The following BMPR2 variants were observed in gnomAD, a reference collection of about 807,000 sequenced individuals.
The protein encoded by BMPR2 is bone morphogenetic protein receptor type-2.
Under a neutral mutation model 100.8 loss-of-function variants are expected in BMPR2, and 29 were observed. That is an observed-to-expected ratio of 0.29 (90% CI 0.21 to 0.39). The LOEUF is 0.39. Among genes scored for constraint, BMPR2 ranks in the 10% least tolerant of loss-of-function variants. The pLI is 1.00. For synonymous variants in BMPR2, 382 were observed against 442.3 expected, an observed-to-expected ratio of 0.86 and a Z score of 1.71; for missense variants, 1,011 against 1,274.5, an observed-to-expected ratio of 0.79 and a Z score of 3.15.
chr2:202,456,395 G>C (rs1222419824), intron 1 of BMPR2, among the ~76,000 whole-genome samples: 1 of 151,600 alleles, frequency 6.6e-6, no homozygotes, highest in Non-Finnish European at 1.5e-5. Flanking sequence ...GGTCAGGCTG[G>C]TCTTAAACTC....
Position 202,561,082 on chromosome 2 carries a change from C to T in BMPR2, c.*1136C>T, listed in dbSNP as rs1038864975. On this transcript the variant is annotated 3_prime_UTR_variant, in exon 13 of 13. Coordinates refer to ENST00000374580, the MANE Select transcript of BMPR2 (RefSeq NM_001204.7). ...GTTCTGAACCTATAGTATCTTTTAC[C>T]CTGTTCCCAAGCAAAGACTGGTGAC... The T allele has an allele frequency of 9.2e-5, 14 of 151,852 alleles. No individual in the cohort carries two copies. The highest frequency in any genetic ancestry group is 3.1e-4 in the African/African-American group (13 of 41,346). The allele number at this position is 151,852 out of a possible 1,614,324, so 9.4% of individuals were successfully genotyped here.
In BMPR2 at chr2:202,532,673, T is replaced by A; in HGVS notation, c.1217T>A (p.Met406Lys). Residue 406 changes from methionine (M) to lysine (K), a missense_variant, in exon 9 of 13, where the codon ATG becomes AAG. This residue lies in a region of BMPR2 where 83 missense variants were observed against 140.7 expected (regional missense o/e 0.59). Coordinates refer to ENST00000374580, the MANE Select transcript of BMPR2 (RefSeq NM_001204.7). This position sits in a 1 kb window ranked among gnomAD's most constrained non-coding sequence, Gnocchi z 4.1. ...DCESALKQVD[M>K]YALGLIYWEI... ...GAATCAGCTTTGAAACAAGTAGACA[T>A]GTATGCTCTTGGACTAATCTATTGG... 1 of 1,613,830 alleles carries A rather than the reference T, an allele frequency of 6.2e-7. No individual in the cohort carries two copies. The highest frequency in any genetic ancestry group is 8.5e-7 in the Non-Finnish European group (1 of 1,179,886).
intron 9 of BMPR2, among the ~76,000 whole-genome samples, chr2:202,537,529 G>A (rs920027978): frequency 1.3e-5 from 2 of 152,092 alleles, no homozygotes; most frequent in African/African-American, 4.8e-5. Context: ...GAAATGGAGA[G>A]TTACTGTTTA....
intron 12 of BMPR2, among the ~76,000 whole-genome samples, chr2:202,557,565 G>T (rs1688602497): frequency 6.6e-6 from 1 of 151,454 alleles, no homozygotes; most frequent in African/African-American, 2.4e-5. Context: ...TACTTGGGAA[G>T]CTGAGGCAGG....
intron 3 of BMPR2, among the ~76,000 whole-genome samples, chr2:202,480,237 A>G (rs1044859859): frequency 1.3e-5 from 2 of 151,918 alleles, no homozygotes; most frequent in African/African-American, 2.4e-5. Flanking sequence ...GGTTCACGCT[A>G]TTCTCCTGTC....
chr2:202,529,452 T>G (rs567127776), intron 7 of BMPR2, among the ~76,000 whole-genome samples: 1 of 152,320 alleles, frequency 6.6e-6, no homozygotes, highest in Non-Finnish European at 1.5e-5. Context: ...TTGGTATTAT[T>G]ATATAAATAT....
chr2:202,417,920 G>GT (rs752441579), intron 1 of BMPR2, among the ~76,000 whole-genome samples: 4 of 151,714 alleles, frequency 2.6e-5, no homozygotes, highest in Non-Finnish European at 5.9e-5. Flanking sequence ...GGGTTTCACC[G>GT]TGTTAGCCAG....
At chr2:202,454,703 A>G (rs1208869208) in intron 1 of BMPR2, among the ~76,000 whole-genome samples, 4 of 152,340 alleles carry the variant, frequency 2.6e-5, no homozygotes, top group East Asian at 3.9e-4. Flanking sequence ...CATGATTACA[A>G]TTTGACAATT....
At chr2:202,513,270 C>T (rs1332478964) in intron 3 of BMPR2, among the ~76,000 whole-genome samples, 1 of 152,142 alleles carries the variant, frequency 6.6e-6, no homozygotes, top group African/African-American at 2.4e-5. Context: ...TGTGCCCAGC[C>T]AGATAATATA....
At chr2:202,427,614 AT>A (rs375499170) in intron 1 of BMPR2, among the ~76,000 whole-genome samples, 1 of 151,792 alleles carries the variant, frequency 6.6e-6, no homozygotes, top group African/African-American at 2.4e-5. Flanking sequence ...CTTCATTTAC[AT>A]TTTTTTCCAT....
rs1333914665 is a variant in BMPR2 at position 202,566,345 on chromosome 2, A to C, written c.*6399A>C. On this transcript the variant is annotated 3_prime_UTR_variant, in exon 13 of 13. Transcript: ENST00000374580. ...GCAAGTAAGCAATTAGATCCAGTTG[A>C]ATATTTAAAGTGTTTGTTGCACAGT... 2 of 152,614 alleles carry C rather than the reference A, an allele frequency of 1.3e-5. No individual in the cohort carries two copies. The highest frequency in any genetic ancestry group is 2.9e-5 in the Non-Finnish European group (2 of 68,008). 9.5% of individuals were successfully genotyped at this position (152,614 alleles called of 1,614,324 possible). A position where few individuals can be genotyped will look rare whatever the true frequency, so the allele number is the denominator to read the frequency against.
intron 1 of BMPR2, among the ~76,000 whole-genome samples, chr2:202,453,825 G>C (rs1343285690): frequency 6.6e-6 from 1 of 152,072 alleles, no homozygotes; most frequent in Admixed American, 6.6e-5. Flanking sequence ...AGTATAATTG[G>C]ATTGTTTGTA....
chr2:202,424,782 C>T (rs988965457), intron 1 of BMPR2, among the ~76,000 whole-genome samples: 2 of 152,284 alleles, frequency 1.3e-5, no homozygotes, highest in Admixed American at 6.5e-5. Context: ...CCAATATACT[C>T]ACTTGCTCTA....
Position 202,391,820 on chromosome 2 carries a change from G to C in BMPR2, c.76+14270G>C, listed in dbSNP as rs1000108294. 4.0e-5 allele frequency among the ~76,000 whole-genome samples: 6 copies of C among 151,422 alleles called. 1 individual carries two copies. In the South Asian group the frequency reaches 1.2e-3, roughly 32 times the overall value. ...CTCTGTCGCCAGGCTGGAGTGCAGT[G>C]GCGCAATCTTGGCTCACTGCAACCT... is the stretch of plus-strand genomic sequence containing the variant. On this transcript the variant is annotated intron_variant, in intron 1 of 12. Coordinates refer to ENST00000374580, the MANE Select transcript of BMPR2 (RefSeq NM_001204.7).
At chr2:202,410,542 T>C (rs1156284922) in intron 1 of BMPR2, among the ~76,000 whole-genome samples, 1 of 152,162 alleles carries the variant, frequency 6.6e-6, no homozygotes, top group Non-Finnish European at 1.5e-5. Flanking sequence ...AGTGAGTCCA[T>C]ACTAATATAA....
chr2:202,539,200 T>C (rs1688225142), intron 9 of BMPR2, among the ~76,000 whole-genome samples: 1 of 152,060 alleles, frequency 6.6e-6, no homozygotes, highest in Non-Finnish European at 1.5e-5. Context: ...GGAAGCTGAT[T>C]AAAAAATAAA....
At chr2:202,442,112 T>G (rs1691759908) in intron 1 of BMPR2, among the ~76,000 whole-genome samples, 1 of 150,688 alleles carries the variant, frequency 6.6e-6, no homozygotes, top group Non-Finnish European at 1.5e-5. Context: ...GTACTTCATC[T>G]GGGTTAACCT....
chr2:202,485,697 C>T (rs1047675054), intron 3 of BMPR2, among the ~76,000 whole-genome samples: 11 of 151,664 alleles, frequency 7.3e-5, no homozygotes, highest in South Asian at 2.1e-4. Context: ...CAGTTGCACA[C>T]GACCATGCCT....
intron 1 of BMPR2, among the ~76,000 whole-genome samples, chr2:202,407,123 A>C (rs1211165923): frequency 2.7e-5 from 4 of 148,356 alleles, no homozygotes; most frequent in Non-Finnish European, 6.0e-5. Context: ...TTTTTTTTTG[A>C]GTAGAGACAG....
Sources: allele counts gnomAD v4.1 joint callset (sites outside exome capture counted in the v4.1 genomes callset), GRCh38; gene constraint gnomAD v4.1.1; regional missense constraint gnomAD v4.1.1; non-coding constraint Gnocchi (gnomAD v3.1); transcripts MANE v1.5; gene names NCBI Gene and HGNC (gene_info 2026-07-23, HGNC 2026-07-21).